The following AGPS variants were observed in gnomAD, a reference collection of about 807,000 sequenced individuals.
The protein encoded by AGPS is alkylglycerone phosphate synthase.
Under a neutral mutation model 90.7 loss-of-function variants are expected in AGPS, and 26 were observed. That is an observed-to-expected ratio of 0.29 (90% confidence interval 0.21 to 0.40). The LOEUF (loss-of-function observed/expected upper bound fraction) is 0.40. Ranked by LOEUF, AGPS falls within the 10% of genes least tolerant of loss-of-function variation. AGPS has a pLI of 1.00. For synonymous variants in AGPS, 294 were observed against 285.3 expected (o/e 1.03, Z -0.31); for missense variants, 540 against 816.1 (o/e 0.66, Z 4.12).
intron 3 of AGPS, 112 bp from the exon 4 acceptor site, chr2:177,436,652 C>T (rs1022495522): frequency 9.6e-7 from 1 of 1,040,580 alleles, no homozygotes; most frequent in African/African-American, 1.6e-5. Context: ...ATGCTTCAGC[C>T]TTACTTTGAA....
At chr2:177,466,403 A>G (rs1441226239) in intron 9 of AGPS, among the ~76,000 whole-genome samples, 2 of 152,248 alleles carry the variant, frequency 1.3e-5, no homozygotes, top group African/African-American at 2.4e-5. Context: ...TTCCCACTCC[A>G]GTCCGTGGAA....
At chr2:177,406,884 A>G (rs1435044062) in intron 1 of AGPS, among the ~76,000 whole-genome samples, 1 of 152,224 alleles carries the variant, frequency 6.6e-6, no homozygotes, top group African/African-American at 2.4e-5. Context: ...CTGTTTGACT[A>G]TTGAAATTTT....
intron 1 of AGPS, chr2:177,393,572 C>G: frequency 1.0e-6 from 1 of 985,238 alleles, no homozygotes; most frequent in South Asian, 4.7e-5. Flanking sequence ...GATGTATTGA[C>G]TTTGAGGGAG....
intron 1 of AGPS, among the ~76,000 whole-genome samples, chr2:177,400,322 A>G (rs1239631673): frequency 6.6e-6 from 1 of 152,212 alleles, no homozygotes; most frequent in Non-Finnish European, 1.5e-5. Flanking sequence ...CTATTACTCA[A>G]TTACACATTT....
chr2:177,427,773 G>T (rs776816976), intron 2 of AGPS, among the ~76,000 whole-genome samples: 8 of 152,128 alleles, frequency 5.3e-5, no homozygotes, highest in African/African-American at 9.7e-5. Context: ...TTTAGAGTAA[G>T]TGTTGTGGCG....
At chr2:177,417,439 G>A (rs771981571) in intron 1 of AGPS, among the ~76,000 whole-genome samples, 1 of 152,100 alleles carries the variant, frequency 6.6e-6, no homozygotes, top group Admixed American at 6.6e-5. Flanking sequence ...AACACTTCTG[G>A]TCCCAAGCAT....
chr2:177,415,512 T>C (rs1685761533), intron 1 of AGPS, among the ~76,000 whole-genome samples: 1 of 152,212 alleles, frequency 6.6e-6, no homozygotes, highest in Non-Finnish European at 1.5e-5. Flanking sequence ...TAATAACTTA[T>C]TATATCACAG....
intron 1 of AGPS, 54 bp from the exon 2 acceptor site, chr2:177,420,215 C>A: frequency 9.1e-7 from 1 of 1,103,836 alleles, no homozygotes; most frequent in Non-Finnish European, 1.4e-6. Flanking sequence ...ATATACTGTA[C>A]AGTTTTAAGA....
At chr2:177,507,929 T>C (rs1307274715) in intron 15 of AGPS, 41 bp from the exon 16 acceptor site, 2 of 1,304,092 alleles carry the variant, frequency 1.5e-6, no homozygotes, top group Non-Finnish European at 1.1e-6. Flanking sequence ...TTCTTCTGCA[T>C]CTGTTGTAGT....
chr2:177,505,856 A>G (rs2105718494), intron 15 of AGPS, among the ~76,000 whole-genome samples: 1 of 152,058 alleles, frequency 6.6e-6, no homozygotes, highest in South Asian at 2.1e-4. Context: ...TACCATTCAT[A>G]ACATTACTTG....
chr2:177,503,141 T>C (rs1324473001), intron 14 of AGPS, among the ~76,000 whole-genome samples: 1 of 152,154 alleles, frequency 6.6e-6, no homozygotes, highest in Non-Finnish European at 1.5e-5. Flanking sequence ...TTGCTTACCC[T>C]TCACTCACAC....
At chr2:177,460,064 A>G (rs1559055834) in intron 8 of AGPS, among the ~76,000 whole-genome samples, 3 of 152,202 alleles carry the variant, frequency 2.0e-5, no homozygotes, top group Non-Finnish European at 4.4e-5. Context: ...CTATCACAAG[A>G]TCAGAAAACA....
At chr2:177,444,823 T>G (rs181057608) in intron 7 of AGPS, among the ~76,000 whole-genome samples, 1 of 152,178 alleles carries the variant, frequency 6.6e-6, no homozygotes, top group Non-Finnish European at 1.5e-5. Flanking sequence ...TAGAAAGTAA[T>G]TCATGAAAAT....
intron 17 of AGPS, 149 bp downstream of exon 17, chr2:177,514,057 G>A (rs1574024991): frequency 3.0e-6 from 2 of 660,316 alleles, no homozygotes; most frequent in Non-Finnish European, 2.7e-6. Context: ...ACCTTGTTAG[G>A]ATTGTGCCAC....
At chr2:177,507,738 C>T (rs976871302) in intron 15 of AGPS, among the ~76,000 whole-genome samples, 5 of 152,238 alleles carry the variant, frequency 3.3e-5, no homozygotes, top group African/African-American at 1.2e-4. Flanking sequence ...GTCAGGCACT[C>T]TGCCTGGTGC....
At position 177,468,423 on chromosome 2, in the gene AGPS, A is replaced by G. The variant is rs959964028; in HGVS notation, c.1004A>G (p.His335Arg). The change falls in exon 10 of 20, where the codon CAT becomes CGT. Residue 335 changes from histidine (H) to arginine (R), a missense_variant. This residue lies in a region of AGPS where 405 missense variants were observed against 692.1 expected (regional missense o/e 0.59). Transcript: ENST00000264167. Reference protein sequence around the residue: ...IYGNIEDLVVHIKMVTPRGII... With the variant: ...IYGNIEDLVVRIKMVTPRGII... Reference sequence around the variant, plus strand: ...GTGTATTGTATTAAACAGGTGGTTCATATAAAAATGGTAACACCTAGAGGT... The same window carrying G: ...GTGTATTGTATTAAACAGGTGGTTCGTATAAAAATGGTAACACCTAGAGGT... 3.7e-6 allele frequency: 6 copies of G among 1,601,672 alleles called. No individual in the cohort carries two copies. The highest frequency in any genetic ancestry group is 5.1e-6 in the Non-Finnish European group (6 of 1,170,052).
intron 19 of AGPS, 85 bp from the exon 20 acceptor site, chr2:177,537,989 A>C: frequency 6.6e-7 from 1 of 1,513,724 alleles, no homozygotes; most frequent in Non-Finnish European, 9.2e-7. Context: ...TTTATCACAC[A>C]GTGTTTGTTC....
At chr2:177,501,687 A>G (rs1311474347) in intron 14 of AGPS, among the ~76,000 whole-genome samples, 1 of 152,040 alleles carries the variant, frequency 6.6e-6, no homozygotes, top group Non-Finnish European at 1.5e-5. Context: ...TTGTGTTTTG[A>G]GACGGAGTCT....
Position 177,541,350 on chromosome 2 carries a change from A to C in AGPS, c.*3155A>C, listed in dbSNP as rs1296685362. On this transcript the variant is annotated 3_prime_UTR_variant, in exon 20 of 20. Coordinates refer to ENST00000264167, the MANE Select transcript of AGPS (RefSeq NM_003659.4). ...TTTGTCATATTCCTTTATAGCTACA[A>C]CTTAACTGTAGCTTATCAGAGAAGC... is the stretch of plus-strand genomic sequence containing the variant. 8 of 152,130 alleles carry C rather than the reference A, an allele frequency of 5.3e-5. No individual in the cohort carries two copies. Among genetic ancestry groups the C allele is most frequent in the Admixed American group, 3.9e-4 (6 of 15,242 alleles). The allele number at this position is 152,130 out of a possible 1,614,324, so 9.4% of individuals were successfully genotyped here.
Sources: allele counts gnomAD v4.1 joint callset (sites outside exome capture counted in the v4.1 genomes callset), GRCh38; gene constraint gnomAD v4.1.1; regional missense constraint gnomAD v4.1.1; transcripts MANE v1.5; gene names NCBI Gene and HGNC (gene_info 2026-07-23, HGNC 2026-07-21).